Variants in RECK observed in about 807,000 individuals in gnomAD.
The protein encoded by RECK is reversion-inducing cysteine-rich protein with Kazal motifs.
Under a neutral mutation model 115.1 loss-of-function variants are expected in RECK, and 69 were observed. That is an observed-to-expected ratio of 0.60 (90% CI 0.49 to 0.73). The LOEUF (loss-of-function observed/expected upper bound fraction) is 0.73, where lower values mean the gene tolerates loss of function less well. RECK is among the 30% of genes least tolerant of loss of function. RECK has a pLI of 0.00. For synonymous variants in RECK, 414 were observed against 419.7 expected, an observed-to-expected ratio of 0.99 and a Z score of 0.17; for missense variants, 1,047 against 1,203.7, an observed-to-expected ratio of 0.87 and a Z score of 1.93.
At chr9:36,057,598 G>A (rs368565479) in intron 2 of RECK, among the ~76,000 whole-genome samples, 1 of 152,220 alleles carries the variant, frequency 6.6e-6, no homozygotes, top group East Asian at 1.9e-4. Flanking sequence ...CGGGCGGATC[G>A]CTTTGAGCTT....
chr9:36,067,236 G>A (rs1374879597), intron 6 of RECK, among the ~76,000 whole-genome samples: 1 of 152,082 alleles, frequency 6.6e-6, no homozygotes, highest in Non-Finnish European at 1.5e-5. Flanking sequence ...ATTTTAAGTG[G>A]ACTGGTTGTT....
chr9:36,052,199 T>C, intron 1 of RECK, 66 bp from the exon 2 acceptor site: 1 of 941,476 alleles, frequency 1.1e-6, no homozygotes, highest in South Asian at 1.3e-5. Context: ...TGTGTAACCA[T>C]CTGAATTAGC....
chr9:36,068,541 A>G (rs1190522464), intron 6 of RECK, among the ~76,000 whole-genome samples: 1 of 152,230 alleles, frequency 6.6e-6, no homozygotes, highest in Non-Finnish European at 1.5e-5. Context: ...TGCTCAAGCC[A>G]AAAACTAAAT....
chr9:36,105,318 A>G, intron 13 of RECK, 35 bp downstream of exon 13: 1 of 1,608,214 alleles, frequency 6.2e-7, no homozygotes, highest in Middle Eastern at 1.7e-4. Flanking sequence ...GAGGATGGAT[A>G]GGTGCTGCTA....
rs1821339580 is a variant in RECK, at chr9:36,052,310, A to T, written c.146A>T (p.Asp49Val). 1.2e-6 allele frequency: 2 copies of T among 1,608,868 alleles called. No homozygotes were observed. The highest frequency in any genetic ancestry group is 1.7e-6 in the Non-Finnish European group (2 of 1,175,458). The part of the protein sequence containing the change: ...NHSKDNQMCR[D>V]VCEQIFSSKS... Reference sequence around the variant, plus strand: ...TCAAAGGATAACCAAATGTGCCGTGATGTATGTGAACAGGTAAGATTACAT... The same window carrying T: ...TCAAAGGATAACCAAATGTGCCGTGTTGTATGTGAACAGGTAAGATTACAT... Residue 49 changes from aspartate to valine, a missense_variant, in exon 2 of 21, where the codon GAT becomes GTT. Coordinates refer to ENST00000377966, the MANE Select transcript of RECK (RefSeq NM_021111.3).
chr9:36,100,301 T>C, intron 10 of RECK, 30 bp from the exon 11 acceptor site: 1 of 1,578,410 alleles, frequency 6.3e-7, no homozygotes, highest in Non-Finnish European at 8.7e-7. Flanking sequence ...TAATTGCCTC[T>C]TGATTCTTTC....
chr9:36,101,978 A>G, intron 11 of RECK, 116 bp from the exon 12 acceptor site: 1 of 991,520 alleles, frequency 1.0e-6, no homozygotes, highest in Non-Finnish European at 1.5e-6. Context: ...TTCTCTTTTG[A>G]AACATGTTAA....
At chr9:36,098,565 T>C (rs924091716) in intron 10 of RECK, among the ~76,000 whole-genome samples, 23 of 152,182 alleles carry the variant, frequency 1.5e-4, no homozygotes, top group Non-Finnish European at 1.0e-4. Flanking sequence ...TTTTTCAGTT[T>C]CTTCAAAAGT....
chr9:36,080,734 A>G (rs1822651223), intron 7 of RECK, 96 bp downstream of exon 7: 3 of 1,102,228 alleles, frequency 2.7e-6, no homozygotes, highest in African/African-American at 1.6e-5. Context: ...GCTCTTTCCC[A>G]TGGTGTATTT....
chr9:36,102,334 T>C, intron 12 of RECK, 104 bp downstream of exon 12: 1 of 957,458 alleles, frequency 1.0e-6, no homozygotes, highest in Non-Finnish European at 1.6e-6. Flanking sequence ...GTTGAGAACA[T>C]GGGATTCAAT....
Position 36,052,284 on chromosome 9 carries a change from T to C in RECK, c.120T>C (p.His40=). 1 of 1,609,528 alleles carries C rather than the reference T, an allele frequency of 6.2e-7. No homozygotes were observed. Among genetic ancestry groups the C allele is most frequent in the Non-Finnish European group, 8.5e-7 (1 of 1,176,028 alleles). The part of the protein sequence containing the change: ...PGSAGALCCN[H]SKDNQMCRDV... ...CCCTAGGTGCATTGTGTTGTAATCATTCAAAGGATAACCAAATGTGCCGTG... is the reference window on the plus strand; with the variant it reads ...CCCTAGGTGCATTGTGTTGTAATCACTCAAAGGATAACCAAATGTGCCGTG... Residue 40 remains histidine, a synonymous_variant, in exon 2 of 21, where the codon CAT becomes CAC. Transcript: ENST00000377966.
chr9:36,084,168 G>A (rs1822846843), intron 8 of RECK, among the ~76,000 whole-genome samples: 1 of 152,138 alleles, frequency 6.6e-6, no homozygotes, highest in Non-Finnish European at 1.5e-5. Context: ...AGCCAAGACA[G>A]GCAGATCGTT....
chr9:36,037,488 ATTGTTAC>A (rs1369807506), intron 1 of RECK, among the ~76,000 whole-genome samples: 1 of 151,592 alleles, frequency 6.6e-6, no homozygotes, highest in Non-Finnish European at 1.5e-5. Context: ...CTAGTTAGTT[ATTGTTAC>A]TTGTTACTTG....
At chr9:36,061,727 A>G (rs558484054) in intron 4 of RECK, among the ~76,000 whole-genome samples, 1 of 152,350 alleles carries the variant, frequency 6.6e-6, no homozygotes, top group East Asian at 1.9e-4. Context: ...GCAAAGATTT[A>G]GAAGAAACTA....
intron 6 of RECK, among the ~76,000 whole-genome samples, chr9:36,074,497 G>A (rs549814067): frequency 6.6e-6 from 1 of 152,182 alleles, no homozygotes; most frequent in Non-Finnish European, 1.5e-5. Flanking sequence ...ATGTATTGGA[G>A]CCTGGAGGAA....
rs10607815 is a variant in RECK at position 36,115,315 on chromosome 9, A to AAAT, written c.2061-1645_2061-1643dup. Among the ~76,000 whole-genome samples, 659 of 149,352 alleles carry AAAT rather than the reference A, an allele frequency of 4.4e-3. 4 individuals carry two copies. Among genetic ancestry groups the AAAT allele is most frequent in the African/African-American group, 7.1e-3 (288 of 40,796 alleles). ...GGGTGACAGAGCAAGACTCTGTCTC[A>AAAT]AATAATAATAATAATAATAATAATA... On this transcript the variant is annotated intron_variant, in intron 16 of 20. Transcript: ENST00000377966.
At position 36,122,899 on chromosome 9, in the gene RECK, G is replaced by T; in HGVS notation, c.2770G>T (p.Val924Phe). The T allele has an allele frequency of 6.2e-7, 1 of 1,614,150 alleles. No homozygotes were observed. Among genetic ancestry groups the T allele is most frequent in the South Asian group, 1.1e-5 (1 of 91,076 alleles). The change falls in exon 21 of 21, where the codon GTC (valine) becomes TTC (phenylalanine). Residue 924 changes from valine to phenylalanine, a missense_variant. Val to Phe is a conservative substitution (Grantham distance 50, BLOSUM62 -1). Coordinates refer to ENST00000377966, the MANE Select transcript of RECK (RefSeq NM_021111.3). ...NSDSPTLASH[V>F]PLSALIISQV... is the part of the protein sequence containing the mutation. Reference sequence around the variant, plus strand: ...TGACAGCCCGACTTTGGCGTCCCATGTCCCTCTCTCTGCCCTCATCATTTC... The same window carrying T: ...TGACAGCCCGACTTTGGCGTCCCATTTCCCTCTCTCTGCCCTCATCATTTC...
intron 6 of RECK, among the ~76,000 whole-genome samples, chr9:36,066,272 C>G (rs187525687): frequency 6.6e-6 from 1 of 152,108 alleles, no homozygotes; most frequent in African/African-American, 2.4e-5. Flanking sequence ...ATTGGGGCTA[C>G]TTTGTTCATT....
Position 36,123,289 on chromosome 9 carries a change from T to C in RECK, c.*244T>C. 1 of 425,872 alleles carries C rather than the reference T, an allele frequency of 2.3e-6. No homozygotes were observed. The allele number at this position is 425,872 out of a possible 1,614,324, so 26.4% of individuals were successfully genotyped here. Reference sequence around the variant, plus strand: ...AGAATGTCTCTTCCTGGTAGACCACTGCCATATGATTTACATTTCCTCACC... The same window carrying C: ...AGAATGTCTCTTCCTGGTAGACCACCGCCATATGATTTACATTTCCTCACC... On this transcript the variant is annotated 3_prime_UTR_variant, in exon 21 of 21. Transcript: ENST00000377966.
Sources: gnomAD v4.1 joint callset for allele counts (sites outside exome capture counted in the v4.1 genomes callset) on GRCh38, gnomAD v4.1.1 for gene constraint, MANE v1.5 for transcripts, NCBI Gene and HGNC (gene_info 2026-07-23, HGNC 2026-07-21) for gene names.